Variants in MACROD2 observed in about 807,000 individuals in gnomAD.
MACROD2 encodes the protein ADP-ribose glycohydrolase MACROD2.
Under a neutral mutation model 70.4 loss-of-function variants are expected in MACROD2, and 36 were observed. That is an observed-to-expected ratio of 0.51 (90% CI 0.39 to 0.68). The LOEUF is 0.68. MACROD2 is among the 30% of genes least tolerant of loss of function. The pLI is 0.00. For missense variants in MACROD2, 496 were observed against 538.4 expected (o/e 0.92, Z 0.78); for synonymous variants, 172 against 178.8 (o/e 0.96, Z 0.30).
At chr20:15,333,250 G>A (rs2078012293) in intron 6 of MACROD2, among the ~76,000 whole-genome samples, 1 of 151,394 alleles carries the variant, frequency 6.6e-6, no homozygotes, top group Non-Finnish European at 1.5e-5. Context: ...AATTTGTTTT[G>A]GTAAACTCTC....
chr20:14,439,295 G>A (rs1045366860), intron 3 of MACROD2, among the ~76,000 whole-genome samples: 2 of 151,994 alleles, frequency 1.3e-5, no homozygotes, highest in Non-Finnish European at 2.9e-5. Context: ...TTTGATTACT[G>A]TAGCTTTGTA....
chr20:14,762,985 C>T (rs571726350), intron 5 of MACROD2, among the ~76,000 whole-genome samples: 3 of 151,762 alleles, frequency 2.0e-5, no homozygotes, highest in South Asian at 2.1e-4. Flanking sequence ...GTAAGCTAAG[C>T]ACAGAACAAT....
chr20:15,113,799 T>TGTGTGTGTGTGTGTGTGC (rs1435199929), intron 5 of MACROD2, among the ~76,000 whole-genome samples: 6 of 146,674 alleles, frequency 4.1e-5, no homozygotes, highest in African/African-American at 1.5e-4. Flanking sequence ...TGTGTGTGTG[T>TGTGTGTGTGTGTGTGTGC]GCTGGAGGGG....
intron 2 of MACROD2, among the ~76,000 whole-genome samples, chr20:14,076,416 C>G (rs1217200717): frequency 1.3e-5 from 2 of 151,938 alleles, no homozygotes; most frequent in African/African-American, 2.4e-5. Flanking sequence ...TTTGGGAGGC[C>G]AAGGCGGGAG....
chr20:15,211,669 G>A (rs112555444), intron 5 of MACROD2, among the ~76,000 whole-genome samples: 1,561 of 151,834 alleles, frequency 0.01, 24 homozygotes, highest in African/African-American at 0.036. Context: ...CACCATGATC[G>A]TAAGCGTCCT....
chr20:15,862,562 A>G (rs191767176), intron 8 of MACROD2, among the ~76,000 whole-genome samples, 183 bp from the exon 9 acceptor site: 41 of 150,826 alleles, frequency 2.7e-4, no homozygotes, highest in Middle Eastern at 6.9e-3. Context: ...ACACACACGC[A>G]CACACACACA....
rs138658327 is a variant in MACROD2 at position 15,024,397 on chromosome 20, GGAA to G, written c.419-205536_419-205534del. Among the ~76,000 whole-genome samples, 771 of 152,088 alleles carry G rather than the reference GGAA, an allele frequency of 5.1e-3. 9 individuals are homozygous for G. The highest frequency in any genetic ancestry group is 0.017 in the African/African-American group (716 of 41,496). ...AAAAAGAGGAGGAAGAAGAGGAAGG[GGAA>G]GAAGAATGAAATTAATATGTATTCT... On this transcript the variant is annotated intron_variant, in intron 5 of 17. Transcript: ENST00000684519.
At chr20:14,757,498 A>G in intron 5 of MACROD2, 1 of 558,476 alleles carries the variant, frequency 1.8e-6, no homozygotes, top group Non-Finnish European at 3.2e-6. Context: ...AAGAAAATAG[A>G]TCCCATATGT....
At chr20:14,816,870 GA>G (rs1190633764) in intron 5 of MACROD2, among the ~76,000 whole-genome samples, 5 of 148,068 alleles carry the variant, frequency 3.4e-5, no homozygotes, top group African/African-American at 7.4e-5. Context: ...TGTGTAAACT[GA>G]AAAAAAAATA....
chr20:14,551,392 T>C lies in MACROD2; in HGVS notation c.301+57884T>C, dbSNP rs1290937341. Among the ~76,000 whole-genome samples the C allele has an allele frequency of 3.3e-5, 5 of 152,216 alleles. No individual in the cohort carries two copies. The East Asian group carries it at 9.6e-4, about 29-fold the overall frequency. On this transcript the variant is annotated intron_variant, in intron 4 of 17. Coordinates refer to ENST00000684519, the MANE Select transcript of MACROD2 (RefSeq NM_001351661.2). ...CATTGCTTTCACTGCAATAGATGAA[T>C]GTCATGAAAATGTTCTTCTCTTGTA...
chr20:14,310,297 C>G (rs1382795088), intron 3 of MACROD2, among the ~76,000 whole-genome samples: 1 of 152,006 alleles, frequency 6.6e-6, no homozygotes, highest in African/African-American at 2.4e-5. Flanking sequence ...TTAACAGGAC[C>G]CTTGATCCTA....
At chr20:14,705,579 A>T (rs753881371) in intron 5 of MACROD2, among the ~76,000 whole-genome samples, 24 of 152,160 alleles carry the variant, frequency 1.6e-4, no homozygotes, top group Admixed American at 3.3e-4. Context: ...AAGGTTGCAG[A>T]CTGGGCCATC....
intron 3 of MACROD2, among the ~76,000 whole-genome samples, chr20:14,163,264 A>G (rs748694969): frequency 3.9e-5 from 6 of 152,168 alleles, no homozygotes; most frequent in Non-Finnish European, 7.4e-5. Flanking sequence ...GCTCTTGTGA[A>G]TATATCATCC....
intron 5 of MACROD2, among the ~76,000 whole-genome samples, chr20:14,962,781 C>G (rs1194536494): frequency 6.6e-6 from 1 of 151,582 alleles, no homozygotes; most frequent in Non-Finnish European, 1.5e-5. Flanking sequence ...CACCAATGCT[C>G]TTTCTCTCGT....
chr20:15,610,302 C>G (rs2048949446), intron 8 of MACROD2, among the ~76,000 whole-genome samples: 1 of 152,148 alleles, frequency 6.6e-6, no homozygotes, highest in African/African-American at 2.4e-5. Flanking sequence ...AATGTATTCT[C>G]TCAGTTTAGG....
intron 5 of MACROD2, among the ~76,000 whole-genome samples, chr20:15,143,460 G>A (rs1182205735): frequency 6.6e-6 from 1 of 152,112 alleles, no homozygotes; most frequent in African/African-American, 2.4e-5. Flanking sequence ...CATTCTGTAG[G>A]TTGCCTGTTC....
In MACROD2 at chr20:15,362,593, T is replaced by C. The variant is rs1312766739; in HGVS notation, c.541-68812T>C. Among the ~76,000 whole-genome samples the C allele has an allele frequency of 3.3e-5, 5 of 152,186 alleles. No homozygotes were observed. In the East Asian group the frequency reaches 9.6e-4, roughly 29 times the overall value. On this transcript the variant is annotated intron_variant, in intron 6 of 17. Transcript: ENST00000684519. ...TTAACATGGTGATTACACTGATTGG[T>C]AAATCAGTTCTATTAAAAAGAACAT... is the stretch of plus-strand genomic sequence containing the variant.
At chr20:14,128,120 G>A (rs549259777) in intron 3 of MACROD2, 1 of 534,822 alleles carries the variant, frequency 1.9e-6, no homozygotes. Flanking sequence ...CACCAGAGAA[G>A]GTTGAAATCT....
chr20:14,376,907 A>G (rs186818154), intron 3 of MACROD2, among the ~76,000 whole-genome samples: 190 of 152,054 alleles, frequency 1.2e-3, no homozygotes, highest in Middle Eastern at 3.4e-3. Flanking sequence ...CTGTTTTCTT[A>G]TCTATAAAAG....
Sources: allele counts gnomAD v4.1 joint callset (sites outside exome capture counted in the v4.1 genomes callset), GRCh38; gene constraint gnomAD v4.1.1; transcripts MANE v1.5; gene names NCBI Gene and HGNC (gene_info 2026-07-23, HGNC 2026-07-21).